Variants in TUSC3 observed in about 807,000 individuals in gnomAD.
TUSC3 encodes dolichyl-diphosphooligosaccharide--protein glycosyltransferase subunit TUSC3.
In TUSC3, 45 loss-of-function variants were observed where a neutral mutation model predicts 44.8. The ratio of observed to expected loss-of-function variants is 1.00; its 90% CI spans 0.79 to 1.29. TUSC3 has a LOEUF of 1.29. Ranked by LOEUF, TUSC3 falls within the 50% of genes most tolerant of loss-of-function variation. The probability of loss-of-function intolerance (pLI) is 0.00; values close to 1 mark genes in which losing one functional copy is unlikely to be tolerated. For missense variants in TUSC3, 519 were observed against 437.9 expected (o/e 1.19, Z -1.65); for synonymous variants, 212 against 152.9 (o/e 1.39, Z -2.85).
intron 1 of TUSC3, among the ~76,000 whole-genome samples, chr8:15,570,688 G>C (rs973315311): frequency 6.6e-6 from 1 of 151,932 alleles, no homozygotes; most frequent in African/African-American, 2.4e-5. Context: ...TATTGTATAG[G>C]TGAACTTCAA....
In TUSC3 at chr8:15,761,995, G is replaced by C. The variant is rs571280939; in HGVS notation, c.*47-2208G>C. Among the ~76,000 whole-genome samples, 4 of 152,064 alleles carry C rather than the reference G, an allele frequency of 2.6e-5. No homozygotes were observed. The East Asian group carries it at 7.7e-4, about 29-fold the overall frequency. The stretch of plus-strand genomic sequence containing the variant: ...TAGAAATGAGAGACTAATTCCTTGA[G>C]TGATAATATCAATATAAAACATTCA... On this transcript the variant is annotated intron_variant, in intron 10 of 10. Coordinates refer to ENST00000503731, the MANE Select transcript of TUSC3 (RefSeq NM_006765.4).
At chr8:15,720,201 T>TAC (rs60082069) in intron 6 of TUSC3, among the ~76,000 whole-genome samples, 6,692 of 141,558 alleles carry the variant, frequency 0.047, 227 homozygotes, top group East Asian at 0.19. Context: ...TATATATATA[T>TAC]ACACACACAC....
At chr8:15,548,030 G>A (rs1250474389) in intron 1 of TUSC3, among the ~76,000 whole-genome samples, 1 of 151,160 alleles carries the variant, frequency 6.6e-6, no homozygotes, top group Non-Finnish European at 1.5e-5. Flanking sequence ...AGATAGCAAT[G>A]TGAGCAATCT....
intron 1 of TUSC3, among the ~76,000 whole-genome samples, chr8:15,587,623 G>A (rs1427544267): frequency 2.0e-5 from 3 of 151,974 alleles, no homozygotes; most frequent in Non-Finnish European, 4.4e-5. Flanking sequence ...GTAATTTATT[G>A]TTAACTGTAT....
intron 2 of TUSC3, among the ~76,000 whole-genome samples, chr8:15,638,973 G>C (rs1003076579): frequency 3.3e-5 from 5 of 149,650 alleles, no homozygotes; most frequent in African/African-American, 1.2e-4. Flanking sequence ...ATGTGTCGAT[G>C]CTAGATCACG....
At chr8:15,635,908 G>T (rs4258002) in intron 2 of TUSC3, among the ~76,000 whole-genome samples, 29,671 of 152,102 alleles carry the variant, frequency 0.2, 3,299 homozygotes, top group South Asian at 0.36. Flanking sequence ...GGGCGACTAC[G>T]TTAAGTGACC....
intron 10 of TUSC3, among the ~76,000 whole-genome samples, chr8:15,758,943 C>G (rs1812051810): frequency 6.6e-6 from 1 of 152,112 alleles, no homozygotes; most frequent in South Asian, 2.1e-4. Flanking sequence ...TAGAAGACCA[C>G]TTGTTTTAGA....
intron 6 of TUSC3, among the ~76,000 whole-genome samples, chr8:15,726,713 G>A (rs544054748): frequency 1.9e-4 from 29 of 152,266 alleles, no homozygotes; most frequent in Admixed American, 1.8e-3. Context: ...GGCTGAGGCA[G>A]GATAATCGTT....
Position 15,516,450 on chromosome 8 carries a change from C to G in TUSC3, n.189+32967C>G, listed in dbSNP as rs969782913. Among the ~76,000 whole-genome samples the G allele has an allele frequency of 6.6e-5, 10 of 152,288 alleles. No homozygotes were observed. In the East Asian group the frequency reaches 1.9e-3, roughly 29 times the overall value. ...ATTACACTTGGGATCTCTGATATTT[C>G]TCTTGATACATACATAGGTTCTTGA... On this transcript the variant is annotated intron_variant and non_coding_transcript_variant, in intron 2 of 5. Transcript: ENST00000503191.
At chr8:15,592,078 T>C (rs2129150705) in intron 1 of TUSC3, among the ~76,000 whole-genome samples, 1 of 152,204 alleles carries the variant, frequency 6.6e-6, no homozygotes, top group East Asian at 1.9e-4. Context: ...AGGAAAGTTA[T>C]TCATTGGACT....
intron 1 of TUSC3, chr8:15,417,455 C>G (rs1341510289): frequency 6.6e-6 from 1 of 152,230 alleles, no homozygotes; most frequent in South Asian, 2.1e-4. Flanking sequence ...GATTCATGGA[C>G]TAAATGAGAT....
intron 2 of TUSC3, among the ~76,000 whole-genome samples, chr8:15,515,002 T>A (rs576201807): frequency 6.6e-6 from 1 of 152,214 alleles, no homozygotes; most frequent in African/African-American, 2.4e-5. Flanking sequence ...TGTTTAATTT[T>A]GGTTGGAGAA....
At chr8:15,681,563 T>TA (rs1428594184) in intron 6 of TUSC3, among the ~76,000 whole-genome samples, 1 of 151,492 alleles carries the variant, frequency 6.6e-6, no homozygotes, top group Non-Finnish European at 1.5e-5. Context: ...TTTTCTCTTT[T>TA]TTTTTTTCTT....
At chr8:15,493,539 A>G (rs538476542) in intron 2 of TUSC3, among the ~76,000 whole-genome samples, 1 of 152,320 alleles carries the variant, frequency 6.6e-6, no homozygotes, top group East Asian at 1.9e-4. Flanking sequence ...CTGGGATTAC[A>G]GGTGTGAGCT....
At chr8:15,517,492 T>C (rs2129128910) in intron 2 of TUSC3, among the ~76,000 whole-genome samples, 1 of 123,222 alleles carries the variant, frequency 8.1e-6, no homozygotes, top group East Asian at 2.5e-4. Flanking sequence ...TCTAAATGCT[T>C]GTGAGAGCTT....
chr8:15,804,996 A>G, the TUSC3 span, among the ~76,000 whole-genome samples: 1 of 151,744 alleles, frequency 6.6e-6, no homozygotes, highest in African/African-American at 2.4e-5. Flanking sequence ...TGTCATCTGT[A>G]TTTTCTTTCG....
intron 7 of TUSC3, among the ~76,000 whole-genome samples, chr8:15,742,706 A>G (rs1451646041): frequency 2.0e-5 from 3 of 152,252 alleles, no homozygotes; most frequent in Non-Finnish European, 4.4e-5. Context: ...GTTCTGGGCT[A>G]GAATTGCTTC....
intron 6 of TUSC3, among the ~76,000 whole-genome samples, chr8:15,725,922 A>T (rs183585623): frequency 2.0e-5 from 3 of 152,280 alleles, no homozygotes; most frequent in African/African-American, 7.2e-5. Flanking sequence ...ATTAAGTAAC[A>T]ACTACTTCAT....
At chr8:15,444,853 A>T (rs1355080199) in intron 1 of TUSC3, among the ~76,000 whole-genome samples, 1 of 152,130 alleles carries the variant, frequency 6.6e-6, no homozygotes, top group East Asian at 1.9e-4. Flanking sequence ...TCATCTTTCC[A>T]TTTGTTGGTT....
Sources: gnomAD v4.1 joint callset for allele counts (sites outside exome capture counted in the v4.1 genomes callset) on GRCh38, gnomAD v4.1.1 for gene constraint, MANE v1.5 for transcripts, NCBI Gene and HGNC (gene_info 2026-07-23, HGNC 2026-07-21) for gene names.